The following RXRG variants were observed in gnomAD, a reference collection of about 807,000 sequenced individuals.
RXRG encodes the protein retinoic acid receptor RXR-gamma.
RXRG carries 19 observed loss-of-function variants against 49.2 expected under a neutral mutation model. The observed-to-expected ratio is 0.39, with a 90% confidence interval of 0.27 to 0.57. The LOEUF is 0.57. RXRG is among the 20% of genes least tolerant of loss of function. The probability of loss-of-function intolerance (pLI) is 0.64; values close to 1 mark genes in which losing one functional copy is unlikely to be tolerated. For missense variants in RXRG, 452 were observed against 592.5 expected (o/e 0.76, Z 2.46); for synonymous variants, 224 against 216.6 (o/e 1.03, Z -0.30).
At chr1:165,437,485 T>TAGGAATA in intron 1 of RXRG, among the ~76,000 whole-genome samples, 1 of 152,312 alleles carries the variant, frequency 6.6e-6, no homozygotes, top group Admixed American at 6.5e-5. Context: ...AACATGGGAC[T>TAGGAATA]AGGAATATAG....
intron 1 of RXRG, among the ~76,000 whole-genome samples, chr1:165,436,118 G>C (rs1658811345): frequency 6.6e-6 from 1 of 152,158 alleles, no homozygotes; most frequent in Non-Finnish European, 1.5e-5. Flanking sequence ...CACAGAGCTG[G>C]ATTGACTGTC....
Position 165,419,928 on chromosome 1 carries a change from G to A in RXRG, c.384C>T (p.Ser128=). The A allele has an allele frequency of 6.2e-7, 1 of 1,613,488 alleles. No individual in the cohort carries two copies. The highest frequency in any genetic ancestry group is 8.5e-7 in the Non-Finnish European group (1 of 1,179,638). Residue 128 remains serine, a synonymous_variant, in exon 3 of 10, where the codon TCC becomes TCT. Transcript: ENST00000359842. ...LPGIGNMNYP[S]TSPGSLVKHI... is the part of the protein sequence containing the mutation. ...GTTTAACCAGAGATCCGGGGCTGGT[G>A]GATGGGTAGTTCATGTTTCCAATCC... is the stretch of plus-strand genomic sequence containing the variant.
chr1:165,416,835 G>T (rs945966729), intron 4 of RXRG, among the ~76,000 whole-genome samples: 51 of 152,072 alleles, frequency 3.4e-4, no homozygotes, highest in African/African-American at 1.0e-3. Context: ...CTAGGAAAAG[G>T]GTACATTCAA....
At chr1:165,441,594 CATGA>C (rs1401188215) in intron 1 of RXRG, among the ~76,000 whole-genome samples, 2 of 152,208 alleles carry the variant, frequency 1.3e-5, no homozygotes, top group Non-Finnish European at 2.9e-5. Flanking sequence ...ATGAGGATTA[CATGA>C]GCCGAGGCTG....
intron 4 of RXRG, among the ~76,000 whole-genome samples, chr1:165,413,724 C>A (rs1658029032): frequency 6.6e-6 from 1 of 152,222 alleles, no homozygotes; most frequent in Non-Finnish European, 1.5e-5. Flanking sequence ...AGGTGGCCCA[C>A]TAATCAGAGG....
intron 2 of RXRG, among the ~76,000 whole-genome samples, chr1:165,420,558 C>A (rs1195903437): frequency 6.6e-6 from 1 of 152,136 alleles, no homozygotes; most frequent in African/African-American, 2.4e-5. Flanking sequence ...AAAATACACA[C>A]CCAGAAGGAG....
chr1:165,436,635 A>C (rs930950143), intron 1 of RXRG, among the ~76,000 whole-genome samples: 1 of 152,192 alleles, frequency 6.6e-6, no homozygotes, highest in African/African-American at 2.4e-5. Flanking sequence ...CGTTTTAACA[A>C]ATCATCCCAG....
intron 2 of RXRG, among the ~76,000 whole-genome samples, chr1:165,426,327 T>C (rs571307945): frequency 1.3e-4 from 20 of 152,348 alleles, no homozygotes; most frequent in African/African-American, 4.6e-4. Flanking sequence ...TAAAAGTCTT[T>C]GAATTTGAAC....
chr1:165,429,260 G>A (rs1658596920), intron 1 of RXRG, among the ~76,000 whole-genome samples: 1 of 152,172 alleles, frequency 6.6e-6, no homozygotes. Context: ...GCAACAAGGG[G>A]CACAGTCCAG....
intron 1 of RXRG, chr1:165,436,836 A>C: frequency 3.5e-6 from 3 of 851,350 alleles, no homozygotes; most frequent in Non-Finnish European, 4.4e-6. Context: ...AGATGGGGAC[A>C]GAAGTGGGGG....
intron 1 of RXRG, among the ~76,000 whole-genome samples, chr1:165,443,334 A>G (rs1250821480): frequency 6.6e-6 from 1 of 152,206 alleles, no homozygotes; most frequent in Admixed American, 6.5e-5. Flanking sequence ...TAAGATGTAA[A>G]GGAAAAAGCA....
At chr1:165,421,407 C>T (rs1012279719) in intron 2 of RXRG, among the ~76,000 whole-genome samples, 1 of 151,900 alleles carries the variant, frequency 6.6e-6, no homozygotes, top group African/African-American at 2.4e-5. Flanking sequence ...CAGTATTTTG[C>T]TTTGTTTTCA....
chr1:165,428,946 A>G lies in RXRG; in HGVS notation c.70T>C (p.Ser24Pro). The G allele has an allele frequency of 6.2e-7, 1 of 1,613,314 alleles. No homozygotes were observed. Among genetic ancestry groups the G allele is most frequent in the Non-Finnish European group, 8.5e-7 (1 of 1,179,864 alleles). Residue 24 changes from serine (S) to proline (P), a missense_variant, in exon 2 of 10, where the codon TCT becomes CCT. Physicochemically the swap from Ser to Pro is moderately conservative, Grantham distance 74. This residue lies in a region of RXRG where 166 missense variants were observed against 151.7 expected (regional missense o/e 1.09). Transcript: ENST00000359842. ...GCTGCTGATGGGCTCATGGATGTAG[A>G]GCCAGTGTGGCCAGGGGAGCCTGTA... ...GYGGSPGHTG[S>P]TSMSPSAALS...
At chr1:165,421,362 T>C (rs1418479312) in intron 2 of RXRG, among the ~76,000 whole-genome samples, 3 of 152,188 alleles carry the variant, frequency 2.0e-5, no homozygotes, top group Non-Finnish European at 2.9e-5. Context: ...CCTTTTTTTA[T>C]ACAAGGCTAT....
chr1:165,422,632 G>A (rs1403521973), intron 2 of RXRG, among the ~76,000 whole-genome samples: 1 of 152,204 alleles, frequency 6.6e-6, no homozygotes, highest in Admixed American at 6.5e-5. Flanking sequence ...ATGCTGAGAA[G>A]TGCGCTATGA....
At chr1:165,426,313 G>A (rs1386178778) in intron 2 of RXRG, among the ~76,000 whole-genome samples, 1 of 152,196 alleles carries the variant, frequency 6.6e-6, no homozygotes, top group Non-Finnish European at 1.5e-5. Context: ...CCTGAGGAAT[G>A]CTTTAAAAGT....
intron 1 of RXRG, among the ~76,000 whole-genome samples, chr1:165,429,839 C>A (rs1303488993): frequency 6.6e-6 from 1 of 152,104 alleles, no homozygotes; most frequent in Non-Finnish European, 1.5e-5. Flanking sequence ...TAAATTGAAC[C>A]CACATTCCCC....
In RXRG at chr1:165,401,350, C is replaced by T; in HGVS notation, c.1305G>A (p.Glu435=). 1 of 1,614,180 alleles carries T rather than the reference C, an allele frequency of 6.2e-7. No homozygotes were observed. Among genetic ancestry groups the T allele is most frequent in the Non-Finnish European group, 8.5e-7 (1 of 1,180,044 alleles). Residue 435 remains glutamate (E), a synonymous_variant, in exon 10 of 10, where the codon GAG becomes GAA. Coordinates refer to ENST00000359842, the MANE Select transcript of RXRG (RefSeq NM_006917.5). ...CGATGAGCTTGAAGAAGAAGAGGTG[C>T]TCCAGGCATTTCAAGCCAATGGAAC... ...ALRSIGLKCL[E]HLFFFKLIGD...
intron 4 of RXRG, among the ~76,000 whole-genome samples, chr1:165,412,899 T>C (rs1166734160): frequency 2.6e-5 from 4 of 152,232 alleles, no homozygotes; most frequent in Admixed American, 1.3e-4. Context: ...CTTCTTGTAT[T>C]AATTTTTTTA....
Sources: allele counts gnomAD v4.1 joint callset (sites outside exome capture counted in the v4.1 genomes callset), GRCh38; gene constraint gnomAD v4.1.1; regional missense constraint gnomAD v4.1.1; transcripts MANE v1.5; gene names NCBI Gene and HGNC (gene_info 2026-07-23, HGNC 2026-07-21).